The following RBMS3 variants were observed in gnomAD, a reference collection of about 807,000 sequenced individuals.
RBMS3 encodes RNA-binding motif, single-stranded-interacting protein 3.
RBMS3 carries 27 observed loss-of-function variants against 66.8 expected under a neutral mutation model. That is an observed-to-expected ratio of 0.40 (90% CI 0.30 to 0.56). The LOEUF (loss-of-function observed/expected upper bound fraction) is 0.56, where lower values mean the gene tolerates loss of function less well. Among genes scored for constraint, RBMS3 ranks in the 20% least tolerant of loss-of-function variants. RBMS3 has a pLI of 0.40. For synonymous variants in RBMS3, 188 were observed against 183.0 expected (o/e 1.03, Z -0.22); for missense variants, 513 against 549.5 (o/e 0.93, Z 0.66).
intron 12 of RBMS3, among the ~76,000 whole-genome samples, chr3:29,948,335 G>A (rs972487899): frequency 1.3e-5 from 2 of 151,726 alleles, no homozygotes; most frequent in Non-Finnish European, 2.9e-5. Context: ...GCATTGGAAA[G>A]CCTCATTAAT....
intron 1 of RBMS3, among the ~76,000 whole-genome samples, chr3:29,384,011 A>G (rs963621203): frequency 2.0e-5 from 3 of 152,182 alleles, no homozygotes; most frequent in Admixed American, 6.5e-5. Context: ...GTGGTTGGTA[A>G]TGGTGAAATT....
At chr3:29,486,851 A>G (rs1158438204) in intron 2 of RBMS3, among the ~76,000 whole-genome samples, 1 of 152,122 alleles carries the variant, frequency 6.6e-6, no homozygotes, top group Admixed American at 6.5e-5. Context: ...ACCTTTATAA[A>G]CCAATTAAGA....
intron 5 of RBMS3, among the ~76,000 whole-genome samples, chr3:29,746,209 A>G (rs2054884592): frequency 6.6e-6 from 1 of 152,340 alleles, no homozygotes; most frequent in East Asian, 1.9e-4. Context: ...AAATTTTTTT[A>G]AATTGTTTGG....
At chr3:29,315,099 A>T (rs1381100015) in intron 1 of RBMS3, among the ~76,000 whole-genome samples, 3 of 151,804 alleles carry the variant, frequency 2.0e-5, no homozygotes, top group African/African-American at 4.8e-5. Context: ...AAAACAGATA[A>T]ATTAGACACT....
chr3:29,284,200 C>G (rs778508735), intron 1 of RBMS3, among the ~76,000 whole-genome samples: 1 of 152,072 alleles, frequency 6.6e-6, no homozygotes, highest in African/African-American at 2.4e-5. Flanking sequence ...AAATTCATAG[C>G]TATTTAAAAT....
At chr3:29,785,193 A>C (rs1261474449) in intron 6 of RBMS3, among the ~76,000 whole-genome samples, 1 of 152,010 alleles carries the variant, frequency 6.6e-6, no homozygotes, top group East Asian at 1.9e-4. Context: ...TAATACCAAA[A>C]CCAGGGAAGA....
chr3:29,991,104 C>G lies in RBMS3; in HGVS notation c.1202C>G (p.Pro401Arg), dbSNP rs1559869962. The G allele has an allele frequency of 1.9e-6, 3 of 1,614,076 alleles. No homozygotes were observed. In the South Asian group the frequency reaches 3.3e-5, roughly 18 times the overall value. The change falls in exon 14 of 15, where the codon CCC becomes CGC. Residue 401 changes from proline to arginine, a missense_variant. By Grantham distance (103) the Pro-to-Arg change is moderately radical. Coordinates refer to ENST00000383767, the MANE Select transcript of RBMS3 (RefSeq NM_001003793.3). ...SIEGVVADTSPQTVAPSSQDT... is the reference protein window; with the variant it reads ...SIEGVVADTSRQTVAPSSQDT... ...TAGGGTGTTGTTGCTGATACCTCTC[C>G]CCAGACAGTGGCACCTTCATCCCAG...
At chr3:29,455,844 A>T (rs1323351264) in intron 2 of RBMS3, among the ~76,000 whole-genome samples, 3 of 152,180 alleles carry the variant, frequency 2.0e-5, no homozygotes, top group Non-Finnish European at 2.9e-5. Flanking sequence ...ACATGGCAGT[A>T]AATAGATCCC....
At chr3:29,991,365 G>T in intron 14 of RBMS3, 156 bp downstream of exon 14, 1 of 1,281,502 alleles carries the variant, frequency 7.8e-7, no homozygotes, top group South Asian at 1.5e-5. Flanking sequence ...TTGAAATTTG[G>T]GCTAACTTTG....
intron 12 of RBMS3, among the ~76,000 whole-genome samples, chr3:29,982,199 G>A (rs1484071698): frequency 6.6e-6 from 1 of 152,122 alleles, no homozygotes; most frequent in African/African-American, 2.4e-5. Flanking sequence ...AGATTTTCTA[G>A]TTTATTTGCA....
At chr3:29,671,855 C>G (rs1424974070) in intron 4 of RBMS3, among the ~76,000 whole-genome samples, 1 of 152,182 alleles carries the variant, frequency 6.6e-6, no homozygotes, top group Non-Finnish European at 1.5e-5. Context: ...CTGGAAAACA[C>G]TCTTCAGGGT....
At chr3:29,593,101 A>C (rs1332529149) in intron 4 of RBMS3, among the ~76,000 whole-genome samples, 1 of 152,134 alleles carries the variant, frequency 6.6e-6, no homozygotes, top group East Asian at 1.9e-4. Context: ...CGAACATGGC[A>C]CATGTATACA....
At chr3:29,522,769 G>A (rs939451096) in intron 3 of RBMS3, among the ~76,000 whole-genome samples, 11 of 152,134 alleles carry the variant, frequency 7.2e-5, no homozygotes, top group Non-Finnish European at 5.9e-5. Flanking sequence ...GAATCTAGTT[G>A]ACAAAGGAGT....
intron 1 of RBMS3, among the ~76,000 whole-genome samples, chr3:29,429,359 G>A (rs1398179309): frequency 6.6e-6 from 1 of 152,146 alleles, no homozygotes; most frequent in African/African-American, 2.4e-5. Flanking sequence ...ATTTCCTAAA[G>A]AGGACATTGG....
intron 6 of RBMS3, among the ~76,000 whole-genome samples, chr3:29,846,621 T>C (rs188337558): frequency 1.7e-4 from 26 of 152,334 alleles, no homozygotes; most frequent in Non-Finnish European, 2.6e-4. Flanking sequence ...GATGACTCAA[T>C]ATATTTTCTT....
intron 4 of RBMS3, among the ~76,000 whole-genome samples, chr3:29,632,145 G>A (rs571481296): frequency 1.3e-5 from 2 of 152,016 alleles, no homozygotes; most frequent in East Asian, 1.9e-4. Flanking sequence ...TTTACCAATA[G>A]AATTCCATTT....
At chr3:29,956,771 T>C (rs1208964545) in intron 12 of RBMS3, among the ~76,000 whole-genome samples, 1 of 152,132 alleles carries the variant, frequency 6.6e-6, no homozygotes, top group African/African-American at 2.4e-5. Flanking sequence ...TCATTTTCTC[T>C]ACAGCCCCAG....
chr3:29,585,661 C>T (rs927870438), intron 3 of RBMS3, among the ~76,000 whole-genome samples: 1 of 152,104 alleles, frequency 6.6e-6, no homozygotes, highest in African/African-American at 2.4e-5. Context: ...TTGCTTTCTT[C>T]TCCCCTTGAC....
At chr3:29,777,125 C>T (rs913749834) in intron 6 of RBMS3, among the ~76,000 whole-genome samples, 1 of 151,850 alleles carries the variant, frequency 6.6e-6, no homozygotes, top group African/African-American at 2.4e-5. Context: ...ACTCTTATTT[C>T]CCAAAGAAAT....
Sources: allele counts gnomAD v4.1 joint callset (sites outside exome capture counted in the v4.1 genomes callset), GRCh38; gene constraint gnomAD v4.1.1; transcripts MANE v1.5; gene names NCBI Gene and HGNC (gene_info 2026-07-23, HGNC 2026-07-21).